Variants in PTPRC observed in about 807,000 individuals in gnomAD.
PTPRC encodes receptor-type tyrosine-protein phosphatase C.
PTPRC carries 44 observed loss-of-function variants against 155.9 expected under a neutral mutation model. The observed-to-expected ratio is 0.28, with a 90% confidence interval of 0.22 to 0.36. The LOEUF is 0.36. Among genes scored for constraint, PTPRC ranks in the 10% least tolerant of loss-of-function variants. The probability of loss-of-function intolerance (pLI) is 1.00; values close to 1 mark genes in which losing one functional copy is unlikely to be tolerated. For synonymous variants in PTPRC, 525 were observed against 533.1 expected (o/e 0.98, Z 0.21); for missense variants, 1,401 against 1,564.6 (o/e 0.90, Z 1.76).
intron 2 of PTPRC, among the ~76,000 whole-genome samples, chr1:198,658,563 G>GT (rs1663736246): frequency 6.6e-6 from 1 of 152,066 alleles, no homozygotes; most frequent in South Asian, 2.1e-4. Context: ...TCCTGAAGTG[G>GT]TAACTTTGGT....
intron 2 of PTPRC, among the ~76,000 whole-genome samples, chr1:198,674,566 ATATAAT>A (rs1571815025): frequency 1.3e-5 from 2 of 148,662 alleles, no homozygotes; most frequent in Non-Finnish European, 3.0e-5. Context: ...ATATAATAAC[ATATAAT>A]TATAACATAA....
intron 2 of PTPRC, among the ~76,000 whole-genome samples, chr1:198,671,725 A>G (rs1223855723): frequency 1.3e-5 from 2 of 152,216 alleles, no homozygotes; most frequent in African/African-American, 4.8e-5. Context: ...CCTTGCTGTC[A>G]TATTTCCTGT....
At chr1:198,701,917 G>T (rs986785476) in intron 5 of PTPRC, among the ~76,000 whole-genome samples, 1 of 152,184 alleles carries the variant, frequency 6.6e-6, no homozygotes, top group African/African-American at 2.4e-5. Flanking sequence ...TGCACCCAGG[G>T]ATCCCTCCCC....
chr1:198,646,537 T>G (rs1662945964), intron 2 of PTPRC, among the ~76,000 whole-genome samples: 1 of 151,876 alleles, frequency 6.6e-6, no homozygotes, highest in Non-Finnish European at 1.5e-5. Flanking sequence ...TTCATTTTTG[T>G]CAAACTTAAA....
intron 15 of PTPRC, among the ~76,000 whole-genome samples, chr1:198,724,842 C>T (rs1172777964): frequency 6.6e-6 from 1 of 152,026 alleles, no homozygotes; most frequent in African/African-American, 2.4e-5. Flanking sequence ...GCTCTTGTTG[C>T]CCAGGCTGGA....
At chr1:198,671,168 T>C (rs1263695782) in intron 2 of PTPRC, among the ~76,000 whole-genome samples, 1 of 150,900 alleles carries the variant, frequency 6.6e-6, no homozygotes, top group Non-Finnish European at 1.5e-5. Context: ...CACTTTTCAC[T>C]AACCCATTTA....
At chr1:198,663,378 A>G (rs1664093587) in intron 2 of PTPRC, among the ~76,000 whole-genome samples, 1 of 152,232 alleles carries the variant, frequency 6.6e-6, no homozygotes, top group South Asian at 2.1e-4. Flanking sequence ...AGATTCCTTC[A>G]TCCAATTAAA....
chr1:198,737,849 T>A (rs1193098624), intron 23 of PTPRC, among the ~76,000 whole-genome samples: 5 of 151,800 alleles, frequency 3.3e-5, no homozygotes, highest in African/African-American at 9.7e-5. Context: ...CAATGTTTCA[T>A]AGTTTTCATT....
intron 17 of PTPRC, 51 bp from the exon 18 acceptor site, chr1:198,731,566 C>T: frequency 1.5e-6 from 2 of 1,346,646 alleles, no homozygotes; most frequent in Middle Eastern, 1.9e-4. Context: ...AATGTGTATG[C>T]CCACCTGAAA....
At chr1:198,663,522 A>C (rs1445354255) in intron 2 of PTPRC, among the ~76,000 whole-genome samples, 1 of 152,234 alleles carries the variant, frequency 6.6e-6, no homozygotes, top group Non-Finnish European at 1.5e-5. Context: ...TTCAGTTAGA[A>C]GCTTGGTCAA....
intron 32 of PTPRC, among the ~76,000 whole-genome samples, chr1:198,754,745 G>A (rs933557889): frequency 2.0e-5 from 3 of 152,038 alleles, no homozygotes; most frequent in Non-Finnish European, 4.4e-5. Context: ...AAATTTGGGA[G>A]CCTAAACAAA....
chr1:198,707,896 T>C (rs1239028060), intron 9 of PTPRC, among the ~76,000 whole-genome samples: 2 of 152,218 alleles, frequency 1.3e-5, no homozygotes, highest in East Asian at 3.8e-4. Flanking sequence ...TTTAACGTGG[T>C]ATAACTTATA....
chr1:198,704,516 G>A lies in PTPRC; in HGVS notation c.685+18G>A. 2 of 1,613,858 alleles carry A rather than the reference G, an allele frequency of 1.2e-6. No homozygotes were observed. Among genetic ancestry groups the A allele is most frequent in the Non-Finnish European group, 1.7e-6 (2 of 1,179,898 alleles). On this transcript the variant is annotated intron_variant, in intron 8 of 32. Coordinates refer to ENST00000442510, the MANE Select transcript of PTPRC (RefSeq NM_002838.5). Reference sequence around the variant, plus strand: ...AACATGTGGTAAGTTTATTTACTTAGAATCAGCATACCTCACTTTGGAATA... The same window carrying A: ...AACATGTGGTAAGTTTATTTACTTAAAATCAGCATACCTCACTTTGGAATA...
intron 2 of PTPRC, among the ~76,000 whole-genome samples, chr1:198,643,540 GT>G (rs1472326497): frequency 6.6e-6 from 1 of 151,050 alleles, no homozygotes; most frequent in Non-Finnish European, 1.5e-5. Context: ...TTTTGTTTTT[GT>G]TTGTTTGTTT....
intron 8 of PTPRC, among the ~76,000 whole-genome samples, chr1:198,705,604 A>G (rs751839716): frequency 6.6e-6 from 1 of 151,600 alleles, no homozygotes; most frequent in Non-Finnish European, 1.5e-5. Flanking sequence ...TATTTTTAGT[A>G]GAGATTGGGA....
chr1:198,709,692 A>G lies in PTPRC; in HGVS notation c.1039A>G (p.Met347Val), dbSNP rs753089742. 6.4e-6 allele frequency: 10 copies of G among 1,566,640 alleles called. No homozygotes were observed. The highest frequency in any genetic ancestry group is 8.7e-6 in the Non-Finnish European group (10 of 1,144,682). The change falls in exon 11 of 33, where the codon ATG becomes GTG. Residue 347 changes from methionine to valine, a missense_variant. By Grantham distance (21) the Met-to-Val change is conservative. Transcript: ENST00000442510. ...NITYRFQCGN[M>V]IFDNKEIKLE... The stretch of plus-strand genomic sequence containing the variant: ...GAAATATTTCTTTATTTCAGGTAAT[A>G]TGATATTTGATAATAAAGAAATTAA...
intron 2 of PTPRC, among the ~76,000 whole-genome samples, chr1:198,678,217 T>G (rs1383326356): frequency 1.3e-5 from 2 of 152,220 alleles, no homozygotes; most frequent in African/African-American, 4.8e-5. Context: ...ATACAAGGGA[T>G]GCTGATTTCA....
intron 2 of PTPRC, among the ~76,000 whole-genome samples, chr1:198,676,443 T>C (rs930097403): frequency 3.2e-4 from 48 of 152,234 alleles, no homozygotes; most frequent in Admixed American, 1.6e-3. Context: ...GAGGGGTTTC[T>C]GAAGTACTTT....
intron 31 of PTPRC, among the ~76,000 whole-genome samples, chr1:198,753,171 T>C (rs957135492): frequency 6.6e-6 from 1 of 152,056 alleles, no homozygotes; most frequent in Admixed American, 6.6e-5. Context: ...AGACACCTAA[T>C]ATGTTTAATG....
Sources: gnomAD v4.1 joint callset for allele counts (sites outside exome capture counted in the v4.1 genomes callset) on GRCh38, gnomAD v4.1.1 for gene constraint, MANE v1.5 for transcripts, NCBI Gene and HGNC (gene_info 2026-07-23, HGNC 2026-07-21) for gene names.